ANK3: variants seen among roughly 807,000 people sequenced by gnomAD.
The protein encoded by ANK3 is ankyrin 3, also known as ankyrin-3.
Under a neutral mutation model 370.9 loss-of-function variants are expected in ANK3, and 57 were observed. The observed-to-expected ratio is 0.15, with a 90% confidence interval of 0.12 to 0.19. The LOEUF (loss-of-function observed/expected upper bound fraction) is 0.19. ANK3 is among the 10% of genes least tolerant of loss of function. ANK3 has a pLI of 1.00. For synonymous variants in ANK3, 1,929 were observed against 1,946.3 expected (o/e 0.99, Z 0.23); for missense variants, 4,439 against 5,302.1 (o/e 0.84, Z 5.06).
intron 1 of ANK3, among the ~76,000 whole-genome samples, chr10:60,332,425 T>C (rs538233496): frequency 5.3e-5 from 8 of 152,316 alleles, no homozygotes; most frequent in South Asian, 2.1e-4. Flanking sequence ...GCTGAGTATG[T>C]AGGTGTTGGC....
chr10:60,387,733 G>T (rs2062603575), intron 1 of ANK3, among the ~76,000 whole-genome samples: 1 of 152,092 alleles, frequency 6.6e-6, no homozygotes, highest in African/African-American at 2.4e-5. Flanking sequence ...AAAGCACTTT[G>T]GTCCACAAAG....
Position 60,196,616 on chromosome 10 carries a change from T to A in ANK3, c.1699A>T (p.Thr567Ser), listed in dbSNP as rs1223340784. 15 of 1,552,458 alleles carry A rather than the reference T, an allele frequency of 9.7e-6. No homozygotes were observed. The highest frequency in any genetic ancestry group is 3.5e-5 in the Admixed American group (2 of 56,374). Residue 567 changes from threonine (T) to serine (S), a missense_variant, in exon 15 of 44, where the codon ACT becomes TCT. Coordinates refer to ENST00000280772, the MANE Select transcript of ANK3 (RefSeq NM_020987.5). ...SLSITTKKGFTPLHVAAKYGK... is the reference protein window; with the variant it reads ...SLSITTKKGFSPLHVAAKYGK... ...TATTTTGCTGCCACATGAAGAGGAG[T>A]AAATCCTTTCTGAAAAAAAAAAAAC...
At chr10:60,087,456 G>T (rs1257703038) in intron 29 of ANK3, among the ~76,000 whole-genome samples, 1 of 152,142 alleles carries the variant, frequency 6.6e-6, no homozygotes, top group Non-Finnish European at 1.5e-5. Context: ...TCTCGTTAGT[G>T]CTAACTACTT....
chr10:60,482,523 T>A (rs2075249949), intron 2 of ANK3, among the ~76,000 whole-genome samples: 1 of 152,146 alleles, frequency 6.6e-6, no homozygotes, highest in Admixed American at 6.5e-5. Context: ...AGTCTCACTC[T>A]GTCACCCAGG....
intron 7 of ANK3, among the ~76,000 whole-genome samples, chr10:60,260,545 C>T (rs72820483): frequency 0.019 from 2,942 of 151,624 alleles, 37 homozygotes; most frequent in South Asian, 0.036. Flanking sequence ...GATGTATGTC[C>T]CCACCCAAAT....
In ANK3 at chr10:60,290,805, C is replaced by T. The variant is rs1258498634; in HGVS notation, c.115-11166G>A. Among the ~76,000 whole-genome samples, 7 of 152,156 alleles carry T rather than the reference C, an allele frequency of 4.6e-5. No individual in the cohort carries two copies. In the East Asian group the frequency reaches 1.4e-3, roughly 29 times the overall value. On this transcript the variant is annotated intron_variant, in intron 1 of 43. Coordinates refer to ENST00000280772, the MANE Select transcript of ANK3 (RefSeq NM_020987.5). Reference sequence around the variant, plus strand: ...CAGTGGCCACTCTCATGCTGAAAGGCAAAACAACATTCCCAACTTTATCTT... The same window carrying T: ...CAGTGGCCACTCTCATGCTGAAAGGTAAAACAACATTCCCAACTTTATCTT...
At chr10:60,503,564 CA>C (rs1040515138) in intron 2 of ANK3, among the ~76,000 whole-genome samples, 1 of 152,146 alleles carries the variant, frequency 6.6e-6, no homozygotes, top group Non-Finnish European at 1.5e-5. Context: ...TGTTGATCAC[CA>C]AGCTACAGTG....
chr10:60,702,046 G>A (rs1038327346), intron 1 of ANK3, among the ~76,000 whole-genome samples: 1 of 151,940 alleles, frequency 6.6e-6, no homozygotes, highest in Non-Finnish European at 1.5e-5. Context: ...ACTGCTTGAG[G>A]CCAGGAGTTC....
intron 15 of ANK3, 50 bp from the exon 16 acceptor site, chr10:60,196,293 C>A: frequency 1.3e-6 from 2 of 1,521,014 alleles, no homozygotes; most frequent in South Asian, 2.3e-5. Context: ...GTCTTAAAAC[C>A]AGAGGCTTAG....
intron 1 of ANK3, among the ~76,000 whole-genome samples, chr10:60,642,001 C>T (rs1421765843): frequency 1.2e-4 from 17 of 141,014 alleles, no homozygotes; most frequent in East Asian, 2.1e-4. Context: ...CAAAAGAAGA[C>T]ATTTATGCAG....
At chr10:60,029,849 G>A (rs1255901273) in intron 43 of ANK3, 23 bp from the exon 44 acceptor site, 1 of 129,142 alleles carries the variant, frequency 7.7e-6, no homozygotes, top group African/African-American at 3.1e-5. Context: ...ACAGTAGATA[G>A]TGAGTTTAGC....
intron 42 of ANK3, among the ~76,000 whole-genome samples, chr10:60,052,181 T>C (rs1302190667): frequency 1.3e-5 from 2 of 152,032 alleles, no homozygotes; most frequent in South Asian, 2.1e-4. Context: ...ACCAACACGG[T>C]GAAACCCTGT....
chr10:60,359,674 T>C (rs2058310760), intron 1 of ANK3, among the ~76,000 whole-genome samples: 1 of 152,200 alleles, frequency 6.6e-6, no homozygotes, highest in Non-Finnish European at 1.5e-5. Flanking sequence ...TGGTGGCTCA[T>C]GCCTGTAATC....
At chr10:60,146,817 C>A (rs1204123522) in intron 23 of ANK3, among the ~76,000 whole-genome samples, 1 of 152,184 alleles carries the variant, frequency 6.6e-6, no homozygotes, top group African/African-American at 2.4e-5. Context: ...ACGATAAATT[C>A]TCAGCCTAGA....
intron 1 of ANK3, among the ~76,000 whole-genome samples, chr10:60,724,146 C>G (rs1403451535): frequency 1.7e-5 from 2 of 117,146 alleles, no homozygotes; most frequent in Non-Finnish European, 1.7e-5. Flanking sequence ...GGAGGCGGAG[C>G]TTGCAGTGAG....
At chr10:60,052,963 A>G (rs1218985260) in intron 42 of ANK3, among the ~76,000 whole-genome samples, 1 of 152,234 alleles carries the variant, frequency 6.6e-6, no homozygotes, top group Non-Finnish European at 1.5e-5. Context: ...AGTATTTTAA[A>G]ATGTTAAACA....
intron 2 of ANK3, among the ~76,000 whole-genome samples, chr10:60,548,104 A>G (rs2077009233): frequency 6.6e-6 from 1 of 152,132 alleles, no homozygotes; most frequent in Admixed American, 6.6e-5. Context: ...TTCACAGAGA[A>G]CTTTCATAAT....
At chr10:60,106,992 G>A (rs1590085727) in intron 27 of ANK3, among the ~76,000 whole-genome samples, 2 of 152,076 alleles carry the variant, frequency 1.3e-5, no homozygotes, top group East Asian at 3.9e-4. Context: ...TTAGGTATAT[G>A]TGATAACAGA....
At chr10:60,513,510 T>G (rs1447938610) in intron 2 of ANK3, among the ~76,000 whole-genome samples, 1 of 151,882 alleles carries the variant, frequency 6.6e-6, no homozygotes, top group Non-Finnish European at 1.5e-5. Context: ...TTGAAGGGAG[T>G]TGAGTCTTAA....
Sources: gnomAD v4.1 joint callset for allele counts (sites outside exome capture counted in the v4.1 genomes callset) on GRCh38, gnomAD v4.1.1 for gene constraint, MANE v1.5 for transcripts, NCBI Gene and HGNC (gene_info 2026-07-23, HGNC 2026-07-21) for gene names.